The following BEND4 variants were observed in gnomAD, a reference collection of about 807,000 sequenced individuals.
The protein encoded by BEND4 is BEN domain-containing protein 4.
In BEND4, 27 loss-of-function variants were observed where a neutral mutation model predicts 54.7. That is an observed-to-expected ratio of 0.49 (90% CI 0.36 to 0.68). The LOEUF is 0.68. Ranked by LOEUF, BEND4 falls within the 30% of genes least tolerant of loss-of-function variation. The pLI, the probability that BEND4 is intolerant of heterozygous loss-of-function variation, is 0.00. For missense variants in BEND4, 702 were observed against 697.2 expected, an observed-to-expected ratio of 1.01 and a Z score of -0.08; for synonymous variants, 327 against 299.5, an observed-to-expected ratio of 1.09 and a Z score of -0.95.
intron 3 of BEND4, 140 bp from the exon 4 acceptor site, chr4:42,125,814 C>T: frequency 3.5e-6 from 2 of 571,246 alleles, no homozygotes; most frequent in South Asian, 4.7e-5. Flanking sequence ...TCTCAGCTCA[C>T]TGCAACCTTG....
At chr4:42,151,519 G>T in intron 2 of BEND4, 138 bp downstream of exon 2, 1 of 872,582 alleles carries the variant, frequency 1.1e-6, no homozygotes, top group Non-Finnish European at 1.6e-6. Context: ...GGGTGCGCGG[G>T]GAGGCCCCAG....
intron 4 of BEND4, among the ~76,000 whole-genome samples, chr4:42,123,593 C>T (rs776921496): frequency 7.5e-5 from 11 of 145,814 alleles, no homozygotes; most frequent in Non-Finnish European, 1.2e-4. Context: ...GGCTTTTCAG[C>T]GGTGCTTTTT....
chr4:42,120,975 G>T (rs931889787), intron 4 of BEND4, among the ~76,000 whole-genome samples: 1 of 152,136 alleles, frequency 6.6e-6, no homozygotes, highest in Admixed American at 6.5e-5. Flanking sequence ...CTAAATAGCT[G>T]CAGTGGGACT....
chr4:42,125,466 T>C, intron 4 of BEND4, 117 bp downstream of exon 4: 1 of 749,900 alleles, frequency 1.3e-6, no homozygotes, highest in Non-Finnish European at 2.3e-6. Context: ...AACAGACCCA[T>C]AAACCTCAGT....
At chr4:42,127,611 T>C (rs925040921) in intron 3 of BEND4, among the ~76,000 whole-genome samples, 8 of 152,210 alleles carry the variant, frequency 5.3e-5, no homozygotes, top group African/African-American at 1.7e-4. Flanking sequence ...TCACTGATTG[T>C]GTGACCTTGG....
Position 42,125,565 on chromosome 4 carries a change from T to C in BEND4, c.1146+18A>G. Reference sequence around the variant, plus strand: ...GAGAATTCCAAATGGAACATTCACCTTTTTACCAGAGACCTACCTCTGTCG... The same window carrying C: ...GAGAATTCCAAATGGAACATTCACCCTTTTACCAGAGACCTACCTCTGTCG... On this transcript the variant is annotated intron_variant, in intron 4 of 5. Transcript: ENST00000502486. The C allele has an allele frequency of 6.3e-7, 1 of 1,594,146 alleles. No individual in the cohort carries two copies. The highest frequency in any genetic ancestry group is 8.6e-7 in the Non-Finnish European group (1 of 1,162,042).
At position 42,151,850 on chromosome 4, in the gene BEND4, C is replaced by A; in HGVS notation, c.294G>T (p.Ser98=). Reference sequence around the variant, plus strand: ...CGGGCGTGCAGGACGGCGACGACGACGAAGCGGCGGCGGCGGCCCGGCCGG... The same window carrying A: ...CGGGCGTGCAGGACGGCGACGACGAAGAAGCGGCGGCGGCGGCCCGGCCGG... ...PGPGRAAAAA[S]SSSPSCTPAT... Residue 98 remains serine, a synonymous_variant, in exon 2 of 6, where the codon TCG becomes TCT. Coordinates refer to ENST00000502486, the MANE Select transcript of BEND4 (RefSeq NM_207406.4). 1.5e-6 allele frequency: 2 copies of A among 1,327,394 alleles called. No individual in the cohort carries two copies. The highest frequency in any genetic ancestry group is 1.9e-6 in the Non-Finnish European group (2 of 1,048,202). 82.2% of individuals were successfully genotyped at this position (1,327,394 alleles called of 1,614,324 possible).
intron 3 of BEND4, among the ~76,000 whole-genome samples, chr4:42,138,540 G>A (rs1443128299): frequency 2.6e-5 from 4 of 152,124 alleles, no homozygotes; most frequent in African/African-American, 7.2e-5. Flanking sequence ...AATTTGTACC[G>A]TACTTGAGAT....
At chr4:42,139,405 C>T (rs2153146775) in intron 3 of BEND4, among the ~76,000 whole-genome samples, 1 of 152,072 alleles carries the variant, frequency 6.6e-6, no homozygotes, top group Non-Finnish European at 1.5e-5. Context: ...TACCGTAACA[C>T]TGCCCCTCTC....
intron 2 of BEND4, among the ~76,000 whole-genome samples, chr4:42,145,195 G>A (rs1189023240): frequency 6.6e-6 from 1 of 152,136 alleles, no homozygotes; most frequent in African/African-American, 2.4e-5. Flanking sequence ...GGGCTGCTAT[G>A]GGAAAAATAA....
intron 3 of BEND4, among the ~76,000 whole-genome samples, chr4:42,139,297 C>G (rs962881376): frequency 1.3e-5 from 2 of 152,170 alleles, no homozygotes; most frequent in Admixed American, 6.5e-5. Flanking sequence ...TTCCCTACAC[C>G]TGCAACTGAC....
chr4:42,133,308 C>T (rs1034975246), intron 3 of BEND4, among the ~76,000 whole-genome samples: 4 of 152,134 alleles, frequency 2.6e-5, no homozygotes, highest in Non-Finnish European at 5.9e-5. Flanking sequence ...TGCAGGATAT[C>T]TAGATGGATG....
intron 3 of BEND4, among the ~76,000 whole-genome samples, chr4:42,135,949 T>C (rs1458147838): frequency 2.6e-5 from 4 of 152,204 alleles, no homozygotes; most frequent in Non-Finnish European, 4.4e-5. Flanking sequence ...CCATTCTCTT[T>C]ACCTTCTGTT....
At chr4:42,144,610 C>T (rs2153147425) in intron 2 of BEND4, among the ~76,000 whole-genome samples, 1 of 152,346 alleles carries the variant, frequency 6.6e-6, no homozygotes, top group South Asian at 2.1e-4. Flanking sequence ...ACTATTCCTT[C>T]TTTTCATTTA....
Position 42,143,876 on chromosome 4 carries a change from C to T in BEND4, c.606G>A (p.Lys202=). Residue 202 remains lysine (K), a synonymous_variant, in exon 3 of 6, where the codon AAG becomes AAA. Transcript: ENST00000502486. ...TTTCGTTGTAACTTGAGCCTTCCTG[C>T]TTTACGCAAGAAATCATGGACTGAG... ...NHSQSMISCV[K]QEGSSYNERQ... is the part of the protein sequence containing the mutation. 6.5e-7 allele frequency: 1 copy of T among 1,546,630 alleles called. No individual in the cohort carries two copies. Among genetic ancestry groups the T allele is most frequent in the Non-Finnish European group, 8.7e-7 (1 of 1,150,278 alleles).
At chr4:42,125,559 T>C (rs1720241409) in intron 4 of BEND4, 24 bp downstream of exon 4, 3 of 1,562,382 alleles carry the variant, frequency 1.9e-6, no homozygotes, top group East Asian at 2.2e-5. Flanking sequence ...AAATGGAACA[T>C]TCACCTTTTT....
chr4:42,118,120 C>G (rs80301357), intron 5 of BEND4, among the ~76,000 whole-genome samples: 3,872 of 152,260 alleles, frequency 0.025, 78 homozygotes, highest in Non-Finnish European at 0.038. Flanking sequence ...TCCAGAAGCA[C>G]AGCAAATACC....
Position 42,117,464 on chromosome 4 carries a change from T to G in BEND4, c.*54A>C. 7.7e-7 allele frequency: 1 copy of G among 1,302,508 alleles called. No individual in the cohort carries two copies. The highest frequency in any genetic ancestry group is 1.1e-6 in the Non-Finnish European group (1 of 923,170). 80.7% of individuals were successfully genotyped at this position (1,302,508 alleles called of 1,614,324 possible). A position where few individuals can be genotyped will look rare whatever the true frequency, so the allele number is the denominator to read the frequency against. The stretch of plus-strand genomic sequence containing the variant: ...CTCTCAGGTGACAGGAACAGGACAT[T>G]CACAATTGGAACTCTTGAGAGGACC... On this transcript the variant is annotated 3_prime_UTR_variant, in exon 6 of 6. Transcript: ENST00000502486.
At chr4:42,142,157 C>T (rs934698937) in intron 3 of BEND4, among the ~76,000 whole-genome samples, 4 of 151,628 alleles carry the variant, frequency 2.6e-5, no homozygotes, top group Non-Finnish European at 4.4e-5. Context: ...CGCCCCCCCT[C>T]GGCCTCCCAA....
Sources: gnomAD v4.1 joint callset for allele counts (sites outside exome capture counted in the v4.1 genomes callset) on GRCh38, gnomAD v4.1.1 for gene constraint, MANE v1.5 for transcripts, NCBI Gene and HGNC (gene_info 2026-07-23, HGNC 2026-07-21) for gene names.